Variants in UNC80 observed in about 807,000 individuals in gnomAD.
The protein encoded by UNC80 is protein unc-80 homolog.
UNC80 carries 164 observed loss-of-function variants against 384.6 expected under a neutral mutation model. The observed-to-expected ratio is 0.43, with a 90% CI of 0.38 to 0.49. The LOEUF is 0.49. Ranked by LOEUF, UNC80 falls within the 20% of genes least tolerant of loss-of-function variation. The pLI is 0.00. For synonymous variants in UNC80, 1,486 were observed against 1,527.8 expected (o/e 0.97, Z 0.64); for missense variants, 3,330 against 4,143.0 (o/e 0.80, Z 5.39).
chr2:209,959,288 G>C lies in UNC80; in HGVS notation c.7586+134G>C, dbSNP rs1012540164. 6.0e-5 allele frequency: 73 copies of C among 1,218,540 alleles called. No individual in the cohort carries two copies. In the Admixed American group the frequency reaches 1.5e-3, roughly 25 times the overall value. 75.5% of individuals were successfully genotyped at this position (1,218,540 alleles called of 1,614,324 possible). On this transcript the variant is annotated intron_variant, in intron 50 of 64. Transcript: ENST00000673920. Reference sequence around the variant, plus strand: ...TTTCTGGGTAAACCCCCAAAAGTGGGTTTACTACAGTTTGGGATGACAGTC... The same window carrying C: ...TTTCTGGGTAAACCCCCAAAAGTGGCTTTACTACAGTTTGGGATGACAGTC...
At chr2:209,874,571 A>G (rs984867604) in intron 23 of UNC80, among the ~76,000 whole-genome samples, 3 of 152,210 alleles carry the variant, frequency 2.0e-5, no homozygotes, top group Admixed American at 6.5e-5. Context: ...TTTTGAAACC[A>G]TCATGCTTCA....
At chr2:209,924,203 A>G (rs1453972181) in intron 35 of UNC80, among the ~76,000 whole-genome samples, 2 of 152,178 alleles carry the variant, frequency 1.3e-5, no homozygotes, top group Non-Finnish European at 2.9e-5. Context: ...TGAAAAATGG[A>G]CAATTTAAAT....
rs952981880 is a variant in UNC80 at position 209,839,341 on chromosome 2, C to T, written c.3161C>T (p.Thr1054Met). 128 of 1,551,814 alleles carry T rather than the reference C, an allele frequency of 8.2e-5. No individual in the cohort carries two copies. Among genetic ancestry groups the T allele is most frequent in the Admixed American group, 1.4e-4 (7 of 51,004 alleles). ...SQSEQDTSEC[T>M]TAHSGTTSDR... is the part of the protein sequence containing the mutation. ...TCTGAACAGGACACTTCAGAATGCA[C>T]GACTGCCCACTCAGGGACCACCTCT... Residue 1054 changes from threonine (T) to methionine (M), a missense_variant, in exon 19 of 65, where the codon ACG becomes ATG. Physicochemically the swap from Thr to Met is moderately conservative, Grantham distance 81. Transcript: ENST00000673920. The surrounding 1 kb of genome is among the most constrained non-coding windows in gnomAD (Gnocchi z 4.1).
intron 25 of UNC80, 56 bp from the exon 26 acceptor site, chr2:209,888,039 A>G: frequency 6.6e-7 from 1 of 1,523,230 alleles, no homozygotes. Context: ...TTGCCGCGAG[A>G]CCAATGCAGT....
chr2:209,851,304 A>G (rs2082512276), intron 22 of UNC80, among the ~76,000 whole-genome samples: 2 of 152,122 alleles, frequency 1.3e-5, no homozygotes, highest in South Asian at 4.1e-4. Flanking sequence ...AGGGGACAGA[A>G]GGAATTCTTG....
At chr2:209,794,439 A>G (rs1213553442) in intron 7 of UNC80, among the ~76,000 whole-genome samples, 1 of 152,214 alleles carries the variant, frequency 6.6e-6, no homozygotes, top group Non-Finnish European at 1.5e-5. Flanking sequence ...TCCTGAGACT[A>G]TCTGTATATC....
intron 28 of UNC80, among the ~76,000 whole-genome samples, chr2:209,898,150 CT>C (rs2124921125): frequency 6.6e-6 from 1 of 152,002 alleles, no homozygotes; most frequent in African/African-American, 2.4e-5. Flanking sequence ...TCAATTTTGT[CT>C]TTTAAAAGAC....
intron 35 of UNC80, among the ~76,000 whole-genome samples, chr2:209,923,114 T>C (rs1364091499): frequency 6.6e-6 from 1 of 152,238 alleles, no homozygotes; most frequent in African/African-American, 2.4e-5. Flanking sequence ...TTTCTTCACT[T>C]GATCTTAGCC....
intron 22 of UNC80, among the ~76,000 whole-genome samples, chr2:209,871,022 G>A (rs554288181): frequency 6.6e-6 from 1 of 152,270 alleles, no homozygotes. Flanking sequence ...GATGGGCATA[G>A]AAAAGGAGAT....
chr2:209,970,724 C>T, intron 53 of UNC80, 108 bp from the exon 54 acceptor site: 2 of 1,348,304 alleles, frequency 1.5e-6, no homozygotes, highest in Non-Finnish European at 9.9e-7. Flanking sequence ...GTAACATGTC[C>T]AACCTTCAAT....
chr2:209,814,455 C>A (rs569347992), intron 8 of UNC80, among the ~76,000 whole-genome samples: 62 of 152,186 alleles, frequency 4.1e-4, no homozygotes, highest in African/African-American at 1.4e-3. Flanking sequence ...ACCGTGTTAG[C>A]CAGGATTGTC....
Position 209,976,142 on chromosome 2 carries a change from T to C in UNC80, c.8611T>C (p.Phe2871Leu), listed in dbSNP as rs1269587761. 1.3e-6 allele frequency: 2 copies of C among 1,551,662 alleles called. No homozygotes were observed. Among genetic ancestry groups the C allele is most frequent in the Non-Finnish European group, 1.7e-6 (2 of 1,146,970 alleles). Residue 2871 changes from phenylalanine to leucine, a missense_variant, in exon 57 of 65, where the codon TTT becomes CTT. By Grantham distance (22) the Phe-to-Leu change is conservative (BLOSUM62 0). This residue lies in a region of UNC80 where 1,049 missense variants were observed against 1,488.6 expected (regional missense o/e 0.70). Coordinates refer to ENST00000673920, the MANE Select transcript of UNC80 (RefSeq NM_001371986.1). This position sits in a 1 kb window ranked among gnomAD's most constrained non-coding sequence, Gnocchi z 4.3. The part of the protein sequence containing the change: ...YLALKVILVC[F>L]ERQLGSQWYW... ...AGCGCTGAAGGTGATTCTCGTCTGCTTTGAGAGGCAGCTCGGAAGCCAGTG... is the reference window on the plus strand; with the variant it reads ...AGCGCTGAAGGTGATTCTCGTCTGCCTTGAGAGGCAGCTCGGAAGCCAGTG...
chr2:209,837,639 C>T (rs1366316407), intron 18 of UNC80, among the ~76,000 whole-genome samples: 2 of 152,146 alleles, frequency 1.3e-5, no homozygotes, highest in African/African-American at 2.4e-5. Context: ...ATAATGACTA[C>T]AGAGTATACC....
intron 33 of UNC80, 112 bp downstream of exon 33, chr2:209,918,775 C>A: frequency 8.1e-7 from 1 of 1,239,152 alleles, no homozygotes; most frequent in South Asian, 2.3e-5. Flanking sequence ...CACAGAAAGT[C>A]AGCACAAAAG....
In UNC80 at chr2:209,773,047, A is replaced by C. The variant is rs760852577; in HGVS notation, c.93-47A>C. 6.9e-6 allele frequency: 10 copies of C among 1,450,144 alleles called. No individual in the cohort carries two copies. In the African/African-American group the frequency reaches 1.1e-4, roughly 16 times the overall value. The allele number at this position is 1,450,144 out of a possible 1,614,324, so 89.8% of individuals were successfully genotyped here. On this transcript the variant is annotated intron_variant, in intron 1 of 64. Transcript: ENST00000673920. ...AATACGTCACAAGGATGCTTTAATAATAATTTTACTTATGTTTATTAACAA... is the reference window on the plus strand; with the variant it reads ...AATACGTCACAAGGATGCTTTAATACTAATTTTACTTATGTTTATTAACAA...
chr2:209,913,844 G>A lies in UNC80; in HGVS notation c.4933G>A (p.Ala1645Thr), dbSNP rs1409252491. The change falls in exon 31 of 65, where the codon GCA (alanine) becomes ACA (threonine). Residue 1645 changes from alanine to threonine, a missense_variant. By Grantham distance (58) the Ala-to-Thr change is moderately conservative. Coordinates refer to ENST00000673920, the MANE Select transcript of UNC80 (RefSeq NM_001371986.1). Reference sequence around the variant, plus strand: ...TGCTCCCTTATCTCTGTTAATCAAGGCAGCACCAATTCTGACAGAGGAGAT... The same window carrying A: ...TGCTCCCTTATCTCTGTTAATCAAGACAGCACCAATTCTGACAGAGGAGAT... ...SPAPLSLLIK[A>T]APILTEEMYG... 2.6e-6 allele frequency: 4 copies of A among 1,551,300 alleles called. No individual in the cohort carries two copies. Among genetic ancestry groups the A allele is most frequent in the East Asian group, 4.9e-5 (2 of 40,910 alleles).
chr2:209,871,732 A>T (rs1056872339), intron 22 of UNC80, among the ~76,000 whole-genome samples: 5 of 151,936 alleles, frequency 3.3e-5, no homozygotes, highest in Admixed American at 3.3e-4. Flanking sequence ...AACTTTTTTT[A>T]AAAAATCTTT....
At chr2:209,939,375 C>A in intron 42 of UNC80, 97 bp from the exon 43 acceptor site, 2 of 1,258,266 alleles carry the variant, frequency 1.6e-6, no homozygotes, top group Non-Finnish European at 1.1e-6. Flanking sequence ...TTTATCAACC[C>A]AGTTTGCCAT....
chr2:209,813,010 TTC>T (rs1339676430), intron 7 of UNC80, among the ~76,000 whole-genome samples: 3 of 152,236 alleles, frequency 2.0e-5, no homozygotes, highest in Admixed American at 2.0e-4. Context: ...ATAGCAAAAC[TTC>T]TGTTTCTTAG....
Sources: allele counts gnomAD v4.1 joint callset (sites outside exome capture counted in the v4.1 genomes callset), GRCh38; gene constraint gnomAD v4.1.1; regional missense constraint gnomAD v4.1.1; non-coding constraint Gnocchi (gnomAD v3.1); transcripts MANE v1.5; gene names NCBI Gene and HGNC (gene_info 2026-07-23, HGNC 2026-07-21).